The following PTBP2 variants were observed in gnomAD, a reference collection of about 807,000 sequenced individuals.
PTBP2 encodes the protein polypyrimidine tract binding protein 2.
PTBP2 carries 13 observed loss-of-function variants against 61.4 expected under a neutral mutation model. The observed-to-expected ratio is 0.21, with a 90% CI of 0.14 to 0.34. The LOEUF is 0.34. Ranked by LOEUF, PTBP2 falls within the 10% of genes least tolerant of loss-of-function variation. The probability of loss-of-function intolerance (pLI) is 1.00; values close to 1 mark genes in which losing one functional copy is unlikely to be tolerated. For synonymous variants in PTBP2, 215 were observed against 218.5 expected (o/e 0.98, Z 0.14); for missense variants, 405 against 642.6 (o/e 0.63, Z 4.00).
chr1:96,806,793 A>C, intron 10 of PTBP2, 73 bp from the exon 11 acceptor site: 1 of 1,093,578 alleles, frequency 9.1e-7, no homozygotes, highest in Non-Finnish European at 1.4e-6. Flanking sequence ...ATATGTCAGA[A>C]AGATAATCTT....
chr1:96,745,328 A>G (rs1653610449), intron 2 of PTBP2, among the ~76,000 whole-genome samples: 1 of 151,996 alleles, frequency 6.6e-6, no homozygotes, highest in Non-Finnish European at 1.5e-5. Context: ...ACACCCGGCT[A>G]ATTTTTTGAA....
At chr1:96,763,242 G>A (rs1320869493) in intron 3 of PTBP2, among the ~76,000 whole-genome samples, 2 of 152,104 alleles carry the variant, frequency 1.3e-5, no homozygotes, top group Non-Finnish European at 2.9e-5. Flanking sequence ...GGAGGTGGAG[G>A]TTGTAACGAG....
intron 2 of PTBP2, among the ~76,000 whole-genome samples, chr1:96,726,710 T>C (rs781570396): frequency 3.3e-5 from 5 of 152,168 alleles, no homozygotes; most frequent in Non-Finnish European, 7.3e-5. Flanking sequence ...GTGCTGGGAT[T>C]ACAAGCGTGA....
chr1:96,806,764 A>G, intron 10 of PTBP2, 102 bp from the exon 11 acceptor site: 1 of 810,068 alleles, frequency 1.2e-6, no homozygotes, highest in Non-Finnish European at 2.0e-6. Flanking sequence ...GATCATGTTG[A>G]TGTCTGAATG....
At chr1:96,727,697 G>A (rs976316022) in intron 2 of PTBP2, among the ~76,000 whole-genome samples, 1 of 152,040 alleles carries the variant, frequency 6.6e-6, no homozygotes, top group African/African-American at 2.4e-5. Flanking sequence ...CTTTGGTGAA[G>A]TGTCTGTTTA....
intron 2 of PTBP2, among the ~76,000 whole-genome samples, chr1:96,733,832 C>T (rs1332126756): frequency 6.6e-6 from 1 of 152,192 alleles, no homozygotes; most frequent in Non-Finnish European, 1.5e-5. Context: ...TCCTCTTCCT[C>T]CTTAGCCTAC....
chr1:96,734,211 C>G lies in PTBP2; in HGVS notation c.39+10617C>G, dbSNP rs564709617. On this transcript the variant is annotated intron_variant, in intron 2 of 13. Coordinates refer to ENST00000674951, the MANE Select transcript of PTBP2 (RefSeq NM_021190.4). Reference sequence around the variant, plus strand: ...TTCAGTCCCCAAAACCATTAGTAACCCATAGCTAAAATGATGATATCCACA... The same window carrying G: ...TTCAGTCCCCAAAACCATTAGTAACGCATAGCTAAAATGATGATATCCACA... 6.3e-4 allele frequency among the ~76,000 whole-genome samples: 96 copies of G among 152,152 alleles called. 1 individual carries two copies. Among genetic ancestry groups the G allele is most frequent in the South Asian group, 2.1e-3 (10 of 4,824 alleles).
In PTBP2 at chr1:96,751,388, A is replaced by T. The variant is rs1429667987; in HGVS notation, c.40-37A>T. 7 of 1,463,688 alleles carry T rather than the reference A, an allele frequency of 4.8e-6. No homozygotes were observed. In the East Asian group the frequency reaches 1.1e-4, roughly 24 times the overall value. 90.7% of individuals were successfully genotyped at this position (1,463,688 alleles called of 1,614,324 possible). A position where few individuals can be genotyped will look rare whatever the true frequency, so the allele number is the denominator to read the frequency against. On this transcript the variant is annotated intron_variant, in intron 2 of 13. Transcript: ENST00000674951. Reference sequence around the variant, plus strand: ...CTTTTAGATTAATATTTTTAAATTTAAAGATGTCTTATGCTAATTTGTTTT... The same window carrying T: ...CTTTTAGATTAATATTTTTAAATTTTAAGATGTCTTATGCTAATTTGTTTT...
At chr1:96,733,104 C>G (rs1028953826) in intron 2 of PTBP2, among the ~76,000 whole-genome samples, 3 of 150,714 alleles carry the variant, frequency 2.0e-5, no homozygotes, top group African/African-American at 7.3e-5. Context: ...AAATCTGACA[C>G]AGGTGGGCTA....
intron 11 of PTBP2, among the ~76,000 whole-genome samples, chr1:96,811,659 G>A (rs1194312742): frequency 2.0e-5 from 3 of 152,020 alleles, no homozygotes; most frequent in Admixed American, 6.6e-5. Flanking sequence ...CTTGTGATCC[G>A]CCCACCTCAG....
At chr1:96,721,966 C>A in intron 1 of PTBP2, 94 bp downstream of exon 1, 2 of 1,513,834 alleles carry the variant, frequency 1.3e-6, no homozygotes, top group Non-Finnish European at 1.8e-6. Context: ...CTCCCGCGGC[C>A]CCTCCCAGGG....
chr1:96,808,940 A>C (rs979227999), intron 11 of PTBP2, among the ~76,000 whole-genome samples: 4 of 152,184 alleles, frequency 2.6e-5, no homozygotes, highest in Non-Finnish European at 2.9e-5. Context: ...GAGACATGTA[A>C]AGCAGAAGAA....
chr1:96,812,615 A>G (rs1018344287), intron 11 of PTBP2, 97 bp from the exon 12 acceptor site: 2 of 979,602 alleles, frequency 2.0e-6, no homozygotes, highest in East Asian at 2.6e-5. Flanking sequence ...TTTTAAAATC[A>G]TAAGAAAATT....
In PTBP2 at chr1:96,790,269, CT is replaced by C. The variant is rs1257294576; in HGVS notation, c.904+5027del. 4.7e-3 allele frequency among the ~76,000 whole-genome samples: 661 copies of C among 141,302 alleles called. 2 individuals are homozygous for C. Among genetic ancestry groups the C allele is most frequent in the African/African-American group, 9.3e-3 (360 of 38,892 alleles). 92.7% of individuals were successfully genotyped at this position (141,302 alleles called of 152,430 possible). ...CCAAAGGCTTGATAAGATTTAGAGC[CT>C]TTTTTTTTTTTGAAGTGTTTCTTGT... is the stretch of plus-strand genomic sequence containing the variant. On this transcript the variant is annotated intron_variant, in intron 8 of 13. Transcript: ENST00000674951.
intron 7 of PTBP2, among the ~76,000 whole-genome samples, chr1:96,780,863 A>C (rs779111702): frequency 6.6e-6 from 1 of 152,066 alleles, no homozygotes; most frequent in Non-Finnish European, 1.5e-5. Context: ...GGAAAGTGCA[A>C]GATACCAACT....
intron 3 of PTBP2, among the ~76,000 whole-genome samples, chr1:96,763,811 A>G (rs907230053): frequency 5.3e-5 from 8 of 151,880 alleles, no homozygotes; most frequent in African/African-American, 1.5e-4. Flanking sequence ...AGATTTTTCT[A>G]TTTTTTTTCT....
intron 2 of PTBP2, among the ~76,000 whole-genome samples, chr1:96,744,939 G>A (rs1479525182): frequency 6.6e-6 from 1 of 152,000 alleles, no homozygotes; most frequent in Non-Finnish European, 1.5e-5. Flanking sequence ...CATGTTTTAT[G>A]TCTGTTTTCA....
intron 11 of PTBP2, 35 bp downstream of exon 11, chr1:96,806,993 A>C: frequency 6.8e-7 from 1 of 1,476,866 alleles, no homozygotes; most frequent in Non-Finnish European, 9.3e-7. Context: ...ATACATCTTC[A>C]CTTCTGCTTT....
chr1:96,730,293 A>G (rs1293660064), intron 2 of PTBP2, among the ~76,000 whole-genome samples: 1 of 152,154 alleles, frequency 6.6e-6, no homozygotes, highest in Non-Finnish European at 1.5e-5. Context: ...TTAACATTGA[A>G]GTTAATGTCA....
Sources: allele counts gnomAD v4.1 joint callset (sites outside exome capture counted in the v4.1 genomes callset), GRCh38; gene constraint gnomAD v4.1.1; transcripts MANE v1.5; gene names NCBI Gene and HGNC (gene_info 2026-07-23, HGNC 2026-07-21).